Variants in RNF38 observed in about 807,000 individuals in gnomAD.
The protein encoded by RNF38 is ring finger protein 38.
A neutral mutation model predicts 67.2 loss-of-function variants in RNF38; 15 were observed. The observed-to-expected ratio is 0.22, with a 90% CI of 0.15 to 0.34. The LOEUF is 0.34. Ranked by LOEUF, RNF38 falls within the 10% of genes least tolerant of loss-of-function variation. The pLI is 1.00. For synonymous variants in RNF38, 220 were observed against 218.8 expected (o/e 1.01, Z -0.05); for missense variants, 524 against 639.9 (o/e 0.82, Z 1.95).
upstream of RNF38, chr9:36,401,203 C>T: frequency 2.1e-6 from 2 of 942,242 alleles, no homozygotes; most frequent in Non-Finnish European, 2.5e-6. Flanking sequence ...GGGAAGGGGG[C>T]GGGGCGGGGC....
chr9:36,445,835 T>C (rs1839289026), intron 1 of RNF38, among the ~76,000 whole-genome samples: 1 of 152,232 alleles, frequency 6.6e-6, no homozygotes, highest in Non-Finnish European at 1.5e-5. Context: ...ACATGTCACC[T>C]GAAATGACAG....
intron 3 of RNF38, among the ~76,000 whole-genome samples, chr9:36,371,070 T>C (rs767310359): frequency 1.5e-4 from 23 of 152,188 alleles, no homozygotes; most frequent in Admixed American, 6.5e-4. Flanking sequence ...CAAAAGCAAC[T>C]TGAAAAAGTA....
chr9:36,341,775 A>T (rs945967794), intron 11 of RNF38, among the ~76,000 whole-genome samples: 1 of 34,784 alleles, frequency 2.9e-5, no homozygotes, highest in African/African-American at 8.3e-5. Context: ...TGGGTGACAC[A>T]CTGAGACCCT....
chr9:36,480,656 A>AT (rs779287341), intron 1 of RNF38, among the ~76,000 whole-genome samples: 2 of 146,694 alleles, frequency 1.4e-5, no homozygotes, highest in East Asian at 4.1e-4. Flanking sequence ...GGCTCAAGCG[A>AT]TTCTCGTGCC....
chr9:36,431,055 T>G (rs1838920715), intron 1 of RNF38, among the ~76,000 whole-genome samples: 1 of 152,130 alleles, frequency 6.6e-6, no homozygotes, highest in Non-Finnish European at 1.5e-5. Context: ...CAGATGCCAA[T>G]TGCAAGTAGT....
chr9:36,382,532 A>G (rs1421058042), intron 2 of RNF38, among the ~76,000 whole-genome samples: 5 of 152,240 alleles, frequency 3.3e-5, no homozygotes, highest in Non-Finnish European at 7.3e-5. Flanking sequence ...TATATGTAAT[A>G]TATATCTTGG....
intron 1 of RNF38, among the ~76,000 whole-genome samples, chr9:36,481,795 C>T (rs917286345): frequency 1.3e-5 from 2 of 152,134 alleles, no homozygotes; most frequent in Non-Finnish European, 2.9e-5. Context: ...GGTTTGTACT[C>T]CCCCCTCCTC....
Position 36,448,675 on chromosome 9 carries a change from C to G in RNF38, n.242-23992G>C, listed in dbSNP as rs189382457. Among the ~76,000 whole-genome samples, 476 of 152,188 alleles carry G rather than the reference C, an allele frequency of 3.1e-3. 3 individuals carry two copies. The highest frequency in any genetic ancestry group is 4.5e-3 in the Non-Finnish European group (306 of 68,018). On this transcript the variant is annotated intron_variant and non_coding_transcript_variant, in intron 1 of 3. Transcript: ENST00000488058. Reference sequence around the variant, plus strand: ...TCTTCAGAAATTGCCTGCCCCACCCCCAGATAAGTTCTAAATATATTATCT... The same window carrying G: ...TCTTCAGAAATTGCCTGCCCCACCCGCAGATAAGTTCTAAATATATTATCT...
At chr9:36,421,639 G>A (rs895747694) in intron 2 of RNF38, among the ~76,000 whole-genome samples, 9 of 151,898 alleles carry the variant, frequency 5.9e-5, no homozygotes, top group African/African-American at 2.2e-4. Context: ...CTCCAGCCTG[G>A]GCAGTAAGAG....
At position 36,369,914 on chromosome 9, in the gene RNF38, C is replaced by A. The variant is rs777705772; in HGVS notation, c.375G>T (p.Gln125His). The stretch of plus-strand genomic sequence containing the variant: ...GAGACAGACGATCCCTTCTTCCTCT[C>A]TGGCGCCTGACAGGAGGACTGTGAT... ...RNRRSPPVRRQRGRRDRLSRH... is the reference protein window; with the variant it reads ...RNRRSPPVRRHRGRRDRLSRH... Residue 125 changes from glutamine to histidine, a missense_variant, in exon 4 of 12, where the codon CAG (glutamine) becomes CAT (histidine). Physicochemically the swap from Gln to His is conservative, Grantham distance 24. This residue lies in a region of RNF38 where 461 missense variants were observed against 517.4 expected (regional missense o/e 0.89). Coordinates refer to ENST00000259605, the MANE Select transcript of RNF38 (RefSeq NM_022781.5). The A allele has an allele frequency of 3.1e-6, 5 of 1,612,706 alleles. No homozygotes were observed. The South Asian group carries it at 4.4e-5, about 14-fold the overall frequency.
chr9:36,414,381 T>C (rs1323875790), intron 2 of RNF38, among the ~76,000 whole-genome samples: 1 of 152,120 alleles, frequency 6.6e-6, no homozygotes, highest in Non-Finnish European at 1.5e-5. Flanking sequence ...TTGGTGTACT[T>C]TGAAGTTTTG....
chr9:36,449,442 T>A (rs1285848516), intron 1 of RNF38, among the ~76,000 whole-genome samples: 2 of 151,646 alleles, frequency 1.3e-5, no homozygotes, highest in Non-Finnish European at 2.9e-5. Context: ...CTCTTTTTTT[T>A]CCTTTTTTTT....
intron 1 of RNF38, among the ~76,000 whole-genome samples, chr9:36,431,765 A>G (rs1410113230): frequency 6.6e-6 from 1 of 152,210 alleles, no homozygotes; most frequent in Non-Finnish European, 1.5e-5. Context: ...CTCAATCTTC[A>G]GCCCCTCTCC....
At chr9:36,412,190 A>G (rs771365099) in intron 2 of RNF38, among the ~76,000 whole-genome samples, 3 of 152,164 alleles carry the variant, frequency 2.0e-5, no homozygotes, top group Non-Finnish European at 4.4e-5. Flanking sequence ...CACCTCTCCA[A>G]GCTCATCTCA....
At chr9:36,395,638 G>C (rs1296754818) in intron 1 of RNF38, among the ~76,000 whole-genome samples, 1 of 152,066 alleles carries the variant, frequency 6.6e-6, no homozygotes, top group African/African-American at 2.4e-5. Context: ...TAATCTCTTG[G>C]AAGTAATTAG....
chr9:36,458,880 C>T (rs1024908927), intron 1 of RNF38, among the ~76,000 whole-genome samples: 2 of 152,164 alleles, frequency 1.3e-5, no homozygotes, highest in South Asian at 2.1e-4. Flanking sequence ...CATTTGGTGT[C>T]TTAACCACAG....
chr9:36,370,186 T>C (rs1835269851), intron 3 of RNF38, among the ~76,000 whole-genome samples: 1 of 152,222 alleles, frequency 6.6e-6, no homozygotes, highest in Non-Finnish European at 1.5e-5. Flanking sequence ...AATTTTTTCT[T>C]GAATCATATG....
chr9:36,464,009 T>C, intron 1 of RNF38, among the ~76,000 whole-genome samples: 1 of 151,008 alleles, frequency 6.6e-6, no homozygotes, highest in East Asian at 2.0e-4. Flanking sequence ...CTACTAAAAA[T>C]ACAAAAAATT....
chr9:36,400,097 C>T lies in RNF38; in HGVS notation c.12G>A (p.Lys4=), dbSNP rs1837889839. The change falls in exon 1 of 12, where the codon AAG becomes AAA. Residue 4 remains lysine, a splice_region_variant and synonymous_variant. Transcript: ENST00000259605. The part of the protein sequence containing the change: MAC[K]ISPGANSASL... The stretch of plus-strand genomic sequence containing the variant: ...TGCAACACAAAGAAAAATACTTTAC[C>T]TTACAAGCCATACAGACGTAAACAA... 3 of 1,611,682 alleles carry T rather than the reference C, an allele frequency of 1.9e-6. No homozygotes were observed. Among genetic ancestry groups the T allele is most frequent in the African/African-American group, 2.7e-5 (2 of 74,954 alleles).
Sources: allele counts gnomAD v4.1 joint callset (sites outside exome capture counted in the v4.1 genomes callset), GRCh38; gene constraint gnomAD v4.1.1; regional missense constraint gnomAD v4.1.1; transcripts MANE v1.5; gene names NCBI Gene and HGNC (gene_info 2026-07-23, HGNC 2026-07-21).